DYNC2H1: variants seen among roughly 807,000 people sequenced by gnomAD.
DYNC2H1 encodes cytoplasmic dynein 2 heavy chain 1.
Under a neutral mutation model 570.0 loss-of-function variants are expected in DYNC2H1, and 410 were observed. That is an observed-to-expected ratio of 0.72 (90% confidence interval 0.66 to 0.78). The LOEUF is 0.78. Among genes scored for constraint, DYNC2H1 ranks in the 30% least tolerant of loss-of-function variants. The probability of loss-of-function intolerance (pLI) is 0.00; values close to 1 mark genes in which losing one functional copy is unlikely to be tolerated. For missense variants in DYNC2H1, 4,865 were observed against 5,046.4 expected (o/e 0.96, Z 1.09); for synonymous variants, 1,688 against 1,677.6 (o/e 1.01, Z -0.15).
rs1938424775 is a variant in DYNC2H1 at position 103,325,482 on chromosome 11, C to T, written c.12039+1492C>T. 6.6e-6 allele frequency among the ~76,000 whole-genome samples: 1 copy of T among 152,134 alleles called. No individual in the cohort carries two copies. Among genetic ancestry groups the T allele is most frequent in the African/African-American group, 2.4e-5 (1 of 41,418 alleles). On this transcript the variant is annotated intron_variant, in intron 82 of 88. Coordinates refer to ENST00000375735, the MANE Select transcript of DYNC2H1 (RefSeq NM_001377.3). This position sits in a 1 kb window ranked among gnomAD's most constrained non-coding sequence, Gnocchi z 4.8. The stretch of plus-strand genomic sequence containing the variant: ...TGAATAGGAAGTTCTTTCCCCACTG[C>T]TTGTTTTATGGACCTTGTCAAAGAT...
chr11:103,243,895 C>T lies in DYNC2H1; in HGVS notation c.9918+104C>T. The stretch of plus-strand genomic sequence containing the variant: ...AACATAGATTCAACACTGGGTCCTA[C>T]TGTATGGGACCTTGGGCGAGAGATA... On this transcript the variant is annotated intron_variant, in intron 64 of 88. Transcript: ENST00000375735. The surrounding 1 kb of genome is among the most constrained non-coding windows in gnomAD (Gnocchi z 4.8). 1 of 740,050 alleles carries T rather than the reference C, an allele frequency of 1.4e-6. No individual in the cohort carries two copies. The highest frequency in any genetic ancestry group is 3.5e-4 in the Middle Eastern group (1 of 2,858). The allele number at this position is 740,050 out of a possible 1,614,324, so 45.8% of individuals were successfully genotyped here. A position where few individuals can be genotyped will look rare whatever the true frequency, so the allele number is the denominator to read the frequency against.
In DYNC2H1 at chr11:103,215,777, A is replaced by G. The variant is rs373823500; in HGVS notation, c.8751A>G (p.Lys2917=). 6.2e-7 allele frequency: 1 copy of G among 1,612,142 alleles called. No individual in the cohort carries two copies. The highest frequency in any genetic ancestry group is 8.5e-7 in the Non-Finnish European group (1 of 1,178,940). ...CTCTTGTGGATGAACTGAACAGAAAAGCTGGAGAACAAAGTGTGTTACTTA... is the reference window on the plus strand; with the variant it reads ...CTCTTGTGGATGAACTGAACAGAAAGGCTGGAGAACAAAGTGTGTTACTTA... The part of the protein sequence containing the change: ...AKALVDELNR[K]AGEQSVLLKT... The change falls in exon 55 of 89, where the codon AAA becomes AAG. Residue 2917 remains lysine, a synonymous_variant. Transcript: ENST00000375735.
Position 103,121,021 on chromosome 11 carries a change from G to A in DYNC2H1, c.1345G>A (p.Val449Met). ...LERETLLARL[V>M]DSIKDFRLDF... ...AAGAGAAACTTTACTGGCAAGACTT[G>A]TGGACTCAATTAAAGGTAAAAGTTT... Residue 449 changes from valine to methionine, a missense_variant, in exon 9 of 89, where the codon GTG becomes ATG. Val to Met is a conservative substitution (Grantham distance 21). Around this residue, in one of 5 missense-constraint regions of DYNC2H1, gnomAD observed 1,936 missense variants for 1,962.1 expected, o/e 0.99. Coordinates refer to ENST00000375735, the MANE Select transcript of DYNC2H1 (RefSeq NM_001377.3). 1 of 1,573,724 alleles carries A rather than the reference G, an allele frequency of 6.4e-7. No individual in the cohort carries two copies. Among genetic ancestry groups the A allele is most frequent in the South Asian group, 1.2e-5 (1 of 82,670 alleles).
intron 84 of DYNC2H1, among the ~76,000 whole-genome samples, chr11:103,426,897 T>C (rs1316564152): frequency 6.6e-6 from 1 of 152,224 alleles, no homozygotes; most frequent in Non-Finnish European, 1.5e-5. Flanking sequence ...TGAAATATTT[T>C]TGTGCCATTT....
chr11:103,222,922 A>G, intron 58 of DYNC2H1, 43 bp from the exon 59 acceptor site: 1 of 1,607,554 alleles, frequency 6.2e-7, no homozygotes. Context: ...CTTTCATTTG[A>G]AATTAAGTAA....
chr11:103,433,296 T>C (rs528664915), intron 84 of DYNC2H1, among the ~76,000 whole-genome samples: 6 of 148,222 alleles, frequency 4.0e-5, no homozygotes, highest in Admixed American at 1.4e-4. Flanking sequence ...ACATTGTAGA[T>C]AGTAAATAAT....
chr11:103,146,345 T>C (rs190032092), intron 18 of DYNC2H1, among the ~76,000 whole-genome samples: 1 of 152,196 alleles, frequency 6.6e-6, no homozygotes, highest in Non-Finnish European at 1.5e-5. Context: ...AAGATAAATA[T>C]GAGATTTTCC....
chr11:103,426,794 A>T (rs1943690315), intron 84 of DYNC2H1, among the ~76,000 whole-genome samples: 1 of 152,216 alleles, frequency 6.6e-6, no homozygotes. Context: ...GGTCGCGTTA[A>T]TGCGCAGAAA....
chr11:103,250,188 TATATATTTTAAATAATATTCTC>T (rs1448223234), intron 65 of DYNC2H1, among the ~76,000 whole-genome samples: 1 of 152,050 alleles, frequency 6.6e-6, no homozygotes, highest in African/African-American at 2.4e-5. Context: ...TATCACATAA[TATATATTTTAAATAATATTCTC>T]ATCTTTTCAA....
Position 103,325,901 on chromosome 11 carries a change from G to C in DYNC2H1, c.12039+1911G>C, listed in dbSNP as rs908218410. Among the ~76,000 whole-genome samples, 1 of 152,146 alleles carries C rather than the reference G, an allele frequency of 6.6e-6. No homozygotes were observed. Among genetic ancestry groups the C allele is most frequent in the Non-Finnish European group, 1.5e-5 (1 of 68,038 alleles). On this transcript the variant is annotated intron_variant, in intron 82 of 88. Coordinates refer to ENST00000375735, the MANE Select transcript of DYNC2H1 (RefSeq NM_001377.3). This position sits in a 1 kb window ranked among gnomAD's most constrained non-coding sequence, Gnocchi z 4.8. ...GTATAGTGGGCTCCTTTGAAGGTAA[G>C]GGGACACTGGCTTTTTGAATTGCCA...
chr11:103,234,921 G>A (rs618122), intron 61 of DYNC2H1, among the ~76,000 whole-genome samples: 141,668 of 151,930 alleles, frequency 0.93, 66,080 homozygotes, highest in African/African-American at 0.94. Context: ...CTAAAAACAT[G>A]TGGGTTGTCT....
chr11:103,344,937 C>T (rs924587855), intron 82 of DYNC2H1, among the ~76,000 whole-genome samples: 7 of 152,152 alleles, frequency 4.6e-5, no homozygotes, highest in Admixed American at 4.6e-4. Flanking sequence ...TCCAGTCTCC[C>T]TCCCGTTCTG....
At chr11:103,332,268 C>T (rs1418327918) in intron 82 of DYNC2H1, among the ~76,000 whole-genome samples, 1 of 117,518 alleles carries the variant, frequency 8.5e-6, no homozygotes, top group Non-Finnish European at 1.8e-5. Flanking sequence ...GAAGATAGAG[C>T]AATAGAAGTT....
Position 103,338,387 on chromosome 11 carries a change from G to GT in DYNC2H1, c.12039+14405dup, listed in dbSNP as rs569307845. Among the ~76,000 whole-genome samples the GT allele has an allele frequency of 2.7e-4, 41 of 151,896 alleles. 1 individual carries two copies. The highest frequency in any genetic ancestry group is 4.9e-4 in the Non-Finnish European group (33 of 67,958). ...TTGTGGTTCCATATAAATGTTAGGA[G>GT]TTTTTTTTCTATTTCTGTGAAGAAT... is the stretch of plus-strand genomic sequence containing the variant. On this transcript the variant is annotated intron_variant, in intron 82 of 88. Coordinates refer to ENST00000375735, the MANE Select transcript of DYNC2H1 (RefSeq NM_001377.3).
chr11:103,192,364 C>A, intron 47 of DYNC2H1, 100 bp downstream of exon 47: 1 of 856,228 alleles, frequency 1.2e-6, no homozygotes, highest in Non-Finnish European at 1.6e-6. Context: ...CAAATAAAAA[C>A]TTTGAATAAT....
chr11:103,387,075 T>C (rs527795589), intron 83 of DYNC2H1, among the ~76,000 whole-genome samples: 11,656 of 151,170 alleles, frequency 0.077, 592 homozygotes, highest in Non-Finnish European at 0.11. Flanking sequence ...GGAATCGCCG[T>C]ACTGACTTCC....
chr11:103,130,129 T>A (rs1859198432), intron 13 of DYNC2H1, among the ~76,000 whole-genome samples: 1 of 152,214 alleles, frequency 6.6e-6, no homozygotes, highest in Non-Finnish European at 1.5e-5. Flanking sequence ...TGAAATTTCG[T>A]GTTACTGGAG....
At chr11:103,341,166 C>T (rs574680309) in intron 82 of DYNC2H1, among the ~76,000 whole-genome samples, 33 of 152,146 alleles carry the variant, frequency 2.2e-4, no homozygotes, top group Non-Finnish European at 4.4e-4. Flanking sequence ...CTGTATACTT[C>T]ACTTCTTTAT....
In DYNC2H1 at chr11:103,228,542, T is replaced by C. The variant is rs1863883321; in HGVS notation, c.9354-2718T>C. On this transcript the variant is annotated intron_variant, in intron 59 of 88. Coordinates refer to ENST00000375735, the MANE Select transcript of DYNC2H1 (RefSeq NM_001377.3). This position sits in a 1 kb window ranked among gnomAD's most constrained non-coding sequence, Gnocchi z 6.1. ...GCACAGAGTCCTGTGATGTGATCTG[T>C]CTTCAGGTATCTTAGCTGTGGATAC... is the stretch of plus-strand genomic sequence containing the variant. 2.6e-5 allele frequency among the ~76,000 whole-genome samples: 4 copies of C among 152,296 alleles called. No individual in the cohort carries two copies. In the South Asian group the frequency reaches 8.3e-4, roughly 32 times the overall value.
Sources: allele counts gnomAD v4.1 joint callset (sites outside exome capture counted in the v4.1 genomes callset), GRCh38; gene constraint gnomAD v4.1.1; regional missense constraint gnomAD v4.1.1; non-coding constraint Gnocchi (gnomAD v3.1); transcripts MANE v1.5; gene names NCBI Gene and HGNC (gene_info 2026-07-23, HGNC 2026-07-21).